Variants in PCDHGA11 observed in about 807,000 individuals in gnomAD.
The protein encoded by PCDHGA11 is protocadherin gamma subfamily A, 11.
Under a neutral mutation model 60.4 loss-of-function variants are expected in PCDHGA11, and 39 were observed. That is an observed-to-expected ratio of 0.65 (90% CI 0.50 to 0.84). PCDHGA11 has a LOEUF of 0.84. Ranked by LOEUF, PCDHGA11 falls within the 40% of genes least tolerant of loss-of-function variation. The pLI, the probability that PCDHGA11 is intolerant of heterozygous loss-of-function variation, is 0.00. For missense variants in PCDHGA11, 1,165 were observed against 1,197.7 expected (o/e 0.97, Z 0.40); for synonymous variants, 533 against 510.3 (o/e 1.04, Z -0.60).
Position 141,511,208 on chromosome 5 carries a change from C to T in PCDHGA11, c.*35C>T, listed in dbSNP as rs1278180818. 27 of 1,610,922 alleles carry T rather than the reference C, an allele frequency of 1.7e-5. No individual in the cohort carries two copies. Among genetic ancestry groups the T allele is most frequent in the Non-Finnish European group, 2.3e-5 (27 of 1,178,572 alleles). ...CAGGCCAAGAGCCACAGGGCGGCCT[C>T]TCCCCAACCAGCCCAGCTTCTCCTT... On this transcript the variant is annotated 3_prime_UTR_variant, in exon 4 of 4. Coordinates refer to ENST00000398587, the MANE Select transcript of PCDHGA11 (RefSeq NM_018914.3).
chr5:141,423,540 C>T lies in PCDHGA11; in HGVS notation c.2313C>T (p.Phe771=), dbSNP rs961504938. 6.2e-7 allele frequency: 1 copy of T among 1,613,606 alleles called. No individual in the cohort carries two copies. Among genetic ancestry groups the T allele is most frequent in the Non-Finnish European group, 8.5e-7 (1 of 1,179,684 alleles). ...IADSQKSHLI[F]PQPNYGDTLI... The stretch of plus-strand genomic sequence containing the variant: ...ACTCGCAGAAGAGTCACCTGATTTT[C>T]CCCCAGCCCAACTATGGGGACACGC... The change falls in exon 1 of 4, where the codon TTC becomes TTT. Residue 771 remains phenylalanine, a synonymous_variant. Coordinates refer to ENST00000398587, the MANE Select transcript of PCDHGA11 (RefSeq NM_018914.3).
In PCDHGA11 at chr5:141,428,115, G is replaced by T. The variant is rs753384738; in HGVS notation, c.2433+4455G>T. 5 of 1,607,062 alleles carry T rather than the reference G, an allele frequency of 3.1e-6. No homozygotes were observed. In the South Asian group the frequency reaches 5.5e-5, roughly 18 times the overall value. On this transcript the variant is annotated intron_variant, in intron 1 of 3. Coordinates refer to ENST00000398587, the MANE Select transcript of PCDHGA11 (RefSeq NM_018914.3). ...GTCCTACCACGTGCTGCAGGCCATC[G>T]AGCCCGGGCTTTTCAGCCTGGGGCT...
intron 1 of PCDHGA11, among the ~76,000 whole-genome samples, chr5:141,479,837 G>A (rs563513895): frequency 3.9e-5 from 6 of 152,338 alleles, no homozygotes; most frequent in Non-Finnish European, 8.8e-5. Flanking sequence ...TGGTATCCAT[G>A]CAAGGTGACT....
chr5:141,496,103 C>G (rs779317844), intron 2 of PCDHGA11, among the ~76,000 whole-genome samples: 1 of 152,100 alleles, frequency 6.6e-6, no homozygotes, highest in Non-Finnish European at 1.5e-5. Flanking sequence ...ACCAACACCC[C>G]GCTCTCTTCC....
intron 1 of PCDHGA11, among the ~76,000 whole-genome samples, chr5:141,483,755 G>A (rs2099586573): frequency 6.6e-6 from 1 of 152,130 alleles, no homozygotes. Flanking sequence ...TGAGGATCGA[G>A]GCTTGGAAAA....
Position 141,511,913 on chromosome 5 carries a change from A to G in PCDHGA11, c.*740A>G, listed in dbSNP as rs1190072814. On this transcript the variant is annotated 3_prime_UTR_variant, in exon 4 of 4. Coordinates refer to ENST00000398587, the MANE Select transcript of PCDHGA11 (RefSeq NM_018914.3). ...CCCCCACCTCCTCCTCAAACAAGAG[A>G]CTCCACTGCATGTTCCAAGACAGTA... is the stretch of plus-strand genomic sequence containing the variant. The G allele has an allele frequency of 6.4e-6, 1 of 156,050 alleles. No individual in the cohort carries two copies. The highest frequency in any genetic ancestry group is 2.4e-5 in the African/African-American group (1 of 41,402). The allele number at this position is 156,050 out of a possible 1,614,324, so 9.7% of individuals were successfully genotyped here.
At chr5:141,499,271 T>C (rs2099790752) in intron 2 of PCDHGA11, among the ~76,000 whole-genome samples, 1 of 152,180 alleles carries the variant, frequency 6.6e-6, no homozygotes, top group South Asian at 2.1e-4. Context: ...GTCCCTAGAC[T>C]GTTCTCTGAT....
At position 141,438,631 on chromosome 5, in the gene PCDHGA11, T is replaced by C. The variant is rs1227796079; in HGVS notation, c.2433+14971T>C. 6.5e-4 allele frequency among the ~76,000 whole-genome samples: 28 copies of C among 43,202 alleles called. 1 individual carries two copies. Among genetic ancestry groups the C allele is most frequent in the Non-Finnish European group, 8.8e-4 (23 of 26,272 alleles). 28.3% of individuals were successfully genotyped at this position (43,202 alleles called of 152,430 possible). On this transcript the variant is annotated intron_variant, in intron 1 of 3. Transcript: ENST00000398587. ...ATATATATATATATATATATATATATATATACACACACACACACACATATA... is the reference window on the plus strand; with the variant it reads ...ATATATATATATATATATATATATACATATACACACACACACACACATATA...
rs200625256 is a variant in PCDHGA11 at position 141,477,009 on chromosome 5, A to G, written c.2434-17798A>G. 7.5e-5 allele frequency: 121 copies of G among 1,614,064 alleles called. No homozygotes were observed. Among genetic ancestry groups the G allele is most frequent in the Non-Finnish European group, 9.2e-5 (109 of 1,180,028 alleles). On this transcript the variant is annotated intron_variant, in intron 1 of 3. Transcript: ENST00000398587. This position sits in a 1 kb window ranked among gnomAD's most constrained non-coding sequence, Gnocchi z 4.9. The stretch of plus-strand genomic sequence containing the variant: ...GGCGTGCGGCAACTATTCGCCTTAG[A>G]CCTTGTAACCGGGATGCTGACAATC...
In PCDHGA11 at chr5:141,489,681, A is replaced by T; in HGVS notation, c.2434-5126A>T. ...AGATGCGCATCTCAGAATCAGCAGC[A>T]TCTGGGGCACGATTCCCACTGGACA... On this transcript the variant is annotated intron_variant, in intron 1 of 3. Transcript: ENST00000398587. This position sits in a 1 kb window ranked among gnomAD's most constrained non-coding sequence, Gnocchi z 4.5. 1 of 1,614,174 alleles carries T rather than the reference A, an allele frequency of 6.2e-7. No individual in the cohort carries two copies. The highest frequency in any genetic ancestry group is 8.5e-7 in the Non-Finnish European group (1 of 1,180,010).
At chr5:141,427,945 A>G (rs747625541) in intron 1 of PCDHGA11, 22 of 1,586,364 alleles carry the variant, frequency 1.4e-5, no homozygotes, top group Middle Eastern at 1.7e-4. Flanking sequence ...GGCGACCTCA[A>G]TGACAATGTG....
In PCDHGA11 at chr5:141,491,707, G is replaced by A. The variant is rs1337506934; in HGVS notation, c.2434-3100G>A. ...GCTGCGGGAGCGGAGCCAGGTGAGG[G>A]GCTCGGCGCCGCCCCGGGCGACCCC... On this transcript the variant is annotated intron_variant, in intron 1 of 3. Transcript: ENST00000398587. The surrounding 1 kb of genome is among the most constrained non-coding windows in gnomAD (Gnocchi z 6.9). The A allele has an allele frequency of 6.2e-6, 10 of 1,610,604 alleles. No homozygotes were observed. Among genetic ancestry groups the A allele is most frequent in the Admixed American group, 1.7e-5 (1 of 59,554 alleles).
At position 141,511,181 on chromosome 5, in the gene PCDHGA11, G is replaced by A. The variant is rs1301391138; in HGVS notation, c.*8G>A. On this transcript the variant is annotated 3_prime_UTR_variant, in exon 4 of 4. Transcript: ENST00000398587. Reference sequence around the variant, plus strand: ...AAGAAGGAGAAGAAGTAACATGGAGGCCAGGCCAAGAGCCACAGGGCGGCC... The same window carrying A: ...AAGAAGGAGAAGAAGTAACATGGAGACCAGGCCAAGAGCCACAGGGCGGCC... 6.2e-7 allele frequency: 1 copy of A among 1,614,016 alleles called. No homozygotes were observed. The highest frequency in any genetic ancestry group is 1.7e-5 in the Admixed American group (1 of 60,016).
At chr5:141,423,757 G>C (rs562479446) in intron 1 of PCDHGA11, 97 bp downstream of exon 1, 29 of 395,138 alleles carry the variant, frequency 7.3e-5, no homozygotes, top group African/African-American at 6.1e-4. Flanking sequence ...GTTTGGGGGG[G>C]GGGTGGGGCG....
At chr5:141,484,639 C>A (rs1366750263) in intron 1 of PCDHGA11, among the ~76,000 whole-genome samples, 1 of 151,938 alleles carries the variant, frequency 6.6e-6, no homozygotes, top group Non-Finnish European at 1.5e-5. Context: ...AGTGACCACT[C>A]TCCAATGGCT....
At chr5:141,497,499 C>G (rs1217418941) in intron 2 of PCDHGA11, among the ~76,000 whole-genome samples, 3 of 151,416 alleles carry the variant, frequency 2.0e-5, no homozygotes, top group Non-Finnish European at 4.4e-5. Context: ...TCTCTCTCCT[C>G]TCTCTGCTTC....
rs2097370658 is a variant in PCDHGA11 at position 141,431,413 on chromosome 5, C to T, written c.2433+7753C>T. The T allele has an allele frequency of 1.2e-6, 2 of 1,613,564 alleles. No homozygotes were observed. Among genetic ancestry groups the T allele is most frequent in the African/African-American group, 2.7e-5 (2 of 74,952 alleles). ...TGGTCCTTACGGCCTCCGACGGGGG[C>T]GACCCGGTGCGCACAGGCACCGCGC... On this transcript the variant is annotated intron_variant, in intron 1 of 3. Transcript: ENST00000398587. This position sits in a 1 kb window ranked among gnomAD's most constrained non-coding sequence, Gnocchi z 4.8.
intron 1 of PCDHGA11, among the ~76,000 whole-genome samples, chr5:141,484,369 G>A (rs1218433750): frequency 6.6e-6 from 1 of 152,164 alleles, no homozygotes; most frequent in Non-Finnish European, 1.5e-5. Flanking sequence ...TGTATCACTA[G>A]CAAATGTCTG....
At chr5:141,441,368 G>A (rs1215599443) in intron 1 of PCDHGA11, 2 of 152,598 alleles carry the variant, frequency 1.3e-5, no homozygotes, top group African/African-American at 2.4e-5. Flanking sequence ...TGGGGCCGTG[G>A]ACCAGGAACA....
Sources: gnomAD v4.1 joint callset for allele counts (sites outside exome capture counted in the v4.1 genomes callset) on GRCh38, gnomAD v4.1.1 for gene constraint, Gnocchi (gnomAD v3.1) non-coding constraint, MANE v1.5 for transcripts, NCBI Gene and HGNC (gene_info 2026-07-23, HGNC 2026-07-21) for gene names.